The following SEMA3C variants were observed in gnomAD, a reference collection of about 807,000 sequenced individuals.
SEMA3C encodes the protein semaphorin 3C.
In SEMA3C, 47 loss-of-function variants were observed where a neutral mutation model predicts 89.4. The observed-to-expected ratio is 0.53, with a 90% CI of 0.42 to 0.67. The LOEUF (loss-of-function observed/expected upper bound fraction) is 0.67, where lower values mean the gene tolerates loss of function less well. Ranked by LOEUF, SEMA3C falls within the 30% of genes least tolerant of loss-of-function variation. SEMA3C has a pLI of 0.00. For missense variants in SEMA3C, 839 were observed against 929.1 expected (o/e 0.90, Z 1.26); for synonymous variants, 310 against 320.2 (o/e 0.97, Z 0.34).
At chr7:80,749,541 G>A (rs1373304517) in intron 16 of SEMA3C, among the ~76,000 whole-genome samples, 1 of 152,136 alleles carries the variant, frequency 6.6e-6, no homozygotes, top group Admixed American at 6.5e-5. Context: ...GGAATGTAGT[G>A]GTTGAGAACA....
chr7:80,813,998 A>G (rs916230518), intron 5 of SEMA3C, among the ~76,000 whole-genome samples: 1 of 151,430 alleles, frequency 6.6e-6, no homozygotes, highest in African/African-American at 2.4e-5. Flanking sequence ...GAAAACTTCT[A>G]TGTTTTTACA....
intron 5 of SEMA3C, among the ~76,000 whole-genome samples, chr7:80,817,653 A>G (rs558890253): frequency 5.9e-4 from 90 of 152,264 alleles, no homozygotes; most frequent in Admixed American, 1.1e-3. Context: ...GTGTTTAGCA[A>G]ACATCATACC....
At chr7:80,869,362 C>T (rs1007530536) in intron 2 of SEMA3C, among the ~76,000 whole-genome samples, 2 of 152,102 alleles carry the variant, frequency 1.3e-5, no homozygotes, top group Non-Finnish European at 2.9e-5. Flanking sequence ...TCTATTTGCT[C>T]GTAGATTGGT....
intron 13 of SEMA3C, 67 bp downstream of exon 13, chr7:80,765,088 T>G: frequency 9.6e-7 from 1 of 1,043,446 alleles, no homozygotes; most frequent in Non-Finnish European, 1.4e-6. Context: ...TCCTCCCAAG[T>G]GGCTGTAAGA....
Position 80,869,308 on chromosome 7 carries a change from C to T in SEMA3C, c.104-40563G>A, listed in dbSNP as rs112972164. ...CGTGTTTGTTAGCAGCAAGGAAAAT[C>T]AGCATCTCATTACAAGACAAGCAGG... On this transcript the variant is annotated intron_variant, in intron 2 of 17. Transcript: ENST00000265361. 5.2e-3 allele frequency among the ~76,000 whole-genome samples: 794 copies of T among 152,256 alleles called. 9 individuals carry two copies. Among genetic ancestry groups the T allele is most frequent in the African/African-American group, 0.018 (729 of 41,530 alleles).
At chr7:80,822,474 A>T (rs1374009881) in intron 4 of SEMA3C, among the ~76,000 whole-genome samples, 1 of 152,066 alleles carries the variant, frequency 6.6e-6, no homozygotes, top group African/African-American at 2.4e-5. Flanking sequence ...TTACTTGGGG[A>T]CTAGTGCCTA....
At chr7:80,758,002 T>C (rs1788101595) in intron 15 of SEMA3C, among the ~76,000 whole-genome samples, 1 of 151,904 alleles carries the variant, frequency 6.6e-6, no homozygotes, top group South Asian at 2.1e-4. Context: ...TAAAAAGATA[T>C]AAATTAGGTG....
chr7:80,884,402 C>A (rs1302108758), intron 2 of SEMA3C, among the ~76,000 whole-genome samples: 1 of 152,076 alleles, frequency 6.6e-6, no homozygotes, highest in South Asian at 2.1e-4. Flanking sequence ...AAATGTGAGA[C>A]CCTCATAACT....
chr7:80,889,523 T>C (rs1306490276), intron 2 of SEMA3C, among the ~76,000 whole-genome samples: 2 of 152,182 alleles, frequency 1.3e-5, no homozygotes, highest in African/African-American at 4.8e-5. Flanking sequence ...AGGTTCTAAA[T>C]TATAATTTAA....
At chr7:80,784,282 A>AGAG (rs555235150) in intron 12 of SEMA3C, among the ~76,000 whole-genome samples, 189 of 150,958 alleles carry the variant, frequency 1.3e-3, no homozygotes, top group African/African-American at 3.3e-3. Flanking sequence ...AAAAAAAAAA[A>AGAG]AGAGAGATAA....
At chr7:80,919,080 G>T (rs1038388675), upstream of SEMA3C, 1 of 985,206 alleles carries the variant, frequency 1.0e-6, no homozygotes, top group African/African-American at 1.7e-5. Context: ...GGCCGGGGGC[G>T]AGCGCTCTTG....
intron 17 of SEMA3C, among the ~76,000 whole-genome samples, chr7:80,748,343 A>C (rs1787846149): frequency 6.6e-6 from 1 of 152,172 alleles, no homozygotes; most frequent in Non-Finnish European, 1.5e-5. Flanking sequence ...TTGAAAATCT[A>C]AGGACTTTTT....
intron 8 of SEMA3C, 63 bp downstream of exon 8, chr7:80,804,043 G>A (rs760576233): frequency 3.9e-4 from 550 of 1,401,636 alleles, no homozygotes; most frequent in Non-Finnish European, 3.3e-4. Flanking sequence ...ATAAAAGCAC[G>A]GAGATAAACC....
chr7:80,784,335 C>T (rs183364848), intron 12 of SEMA3C, among the ~76,000 whole-genome samples: 1 of 150,134 alleles, frequency 6.7e-6, no homozygotes, highest in East Asian at 1.9e-4. Context: ...CAGAATAAAA[C>T]CAAGTGCTGA....
intron 2 of SEMA3C, among the ~76,000 whole-genome samples, chr7:80,873,549 T>C (rs564686019): frequency 1.3e-5 from 2 of 152,238 alleles, no homozygotes; most frequent in South Asian, 2.1e-4. Flanking sequence ...GAGAACTGAG[T>C]AACATCTAGT....
intron 2 of SEMA3C, among the ~76,000 whole-genome samples, chr7:80,835,542 CT>C (rs1489621345): frequency 1.3e-5 from 2 of 152,038 alleles, no homozygotes; most frequent in East Asian, 3.9e-4. Flanking sequence ...CTCCCTGAGG[CT>C]TATTGTTTTG....
At chr7:80,907,807 T>C (rs1433906780) in intron 2 of SEMA3C, among the ~76,000 whole-genome samples, 2 of 152,028 alleles carry the variant, frequency 1.3e-5, no homozygotes, top group Non-Finnish European at 2.9e-5. Flanking sequence ...TTTCTTCTGC[T>C]TGAGTTATGA....
At chr7:80,747,024 G>A (rs925058797) in intron 17 of SEMA3C, among the ~76,000 whole-genome samples, 1 of 14,532 alleles carries the variant, frequency 6.9e-5, no homozygotes, top group Non-Finnish European at 3.1e-3. Flanking sequence ...TGAGTGAGAA[G>A]CATGTTTTCT....
chr7:80,886,074 T>A (rs1791468077), intron 2 of SEMA3C, among the ~76,000 whole-genome samples: 1 of 152,246 alleles, frequency 6.6e-6, no homozygotes, highest in South Asian at 2.1e-4. Flanking sequence ...ATACTCACAT[T>A]ATCCATTCAA....
Sources: gnomAD v4.1 joint callset for allele counts (sites outside exome capture counted in the v4.1 genomes callset) on GRCh38, gnomAD v4.1.1 for gene constraint, MANE v1.5 for transcripts, NCBI Gene and HGNC (gene_info 2026-07-23, HGNC 2026-07-21) for gene names.